The following SRSF11 variants were observed in gnomAD, a reference collection of about 807,000 sequenced individuals.
SRSF11 encodes serine and arginine rich splicing factor 11, also known as serine/arginine-rich splicing factor 11.
In SRSF11, 9 loss-of-function variants were observed where a neutral mutation model predicts 56.0. That is an observed-to-expected ratio of 0.16 (90% CI 0.10 to 0.28). The LOEUF (loss-of-function observed/expected upper bound fraction) is 0.28. SRSF11 is among the 10% of genes least tolerant of loss of function. The probability of loss-of-function intolerance (pLI) is 1.00; values close to 1 mark genes in which losing one functional copy is unlikely to be tolerated. For synonymous variants in SRSF11, 222 were observed against 215.3 expected (o/e 1.03, Z -0.27); for missense variants, 421 against 600.7 (o/e 0.70, Z 3.13).
At chr1:70,215,156 C>T (rs1158582148) in intron 1 of SRSF11, among the ~76,000 whole-genome samples, 1 of 152,020 alleles carries the variant, frequency 6.6e-6, no homozygotes, top group Non-Finnish European at 1.5e-5. Context: ...CCTTGGCCTC[C>T]CAAAGTGCTG....
intron 2 of SRSF11, chr1:70,231,119 CTA>C (rs2100736465): frequency 7.8e-7 from 1 of 1,289,658 alleles, no homozygotes; most frequent in Non-Finnish European, 1.0e-6. Context: ...TCAGCCTGAA[CTA>C]TATACCAGGC....
At chr1:70,214,894 G>GTTTTTT (rs34229824) in intron 1 of SRSF11, among the ~76,000 whole-genome samples, 8 of 125,914 alleles carry the variant, frequency 6.4e-5, no homozygotes, top group Admixed American at 8.5e-5. Flanking sequence ...CTGCAGATAA[G>GTTTTTT]TTTTTTTTTT....
intron 9 of SRSF11, chr1:70,248,779 G>T (rs892993955): frequency 6.6e-6 from 1 of 152,030 alleles, no homozygotes; most frequent in Non-Finnish European, 1.5e-5. Flanking sequence ...TACCCACTGT[G>T]TTTGTAGTTG....
At chr1:70,238,295 A>G (rs1352895718) in intron 6 of SRSF11, among the ~76,000 whole-genome samples, 4 of 152,196 alleles carry the variant, frequency 2.6e-5, no homozygotes, top group Non-Finnish European at 5.9e-5. Flanking sequence ...AAAGTTTATG[A>G]CACACCGTGT....
chr1:70,211,809 C>G (rs1669583013), intron 1 of SRSF11, among the ~76,000 whole-genome samples: 1 of 152,084 alleles, frequency 6.6e-6, no homozygotes, highest in African/African-American at 2.4e-5. Context: ...ATCTGTGAAC[C>G]CAGCCATCAT....
chr1:70,230,637 A>G (rs1210936179), intron 2 of SRSF11: 4 of 1,262,382 alleles, frequency 3.2e-6, no homozygotes, highest in Admixed American at 2.7e-5. Flanking sequence ...CCTCATTGCT[A>G]TTTTTAAATT....
chr1:70,246,885 A>G lies in SRSF11; in HGVS notation c.1000A>G (p.Arg334Gly). ...KTPPKSYSTA[R>G]RSRSASRERR... is the part of the protein sequence containing the mutation. Reference sequence around the variant, plus strand: ...ACCACCAAAAAGTTACAGCACAGCCAGACGTTCTAGAAGTGCAAGCAGGTA... The same window carrying G: ...ACCACCAAAAAGTTACAGCACAGCCGGACGTTCTAGAAGTGCAAGCAGGTA... The change falls in exon 9 of 12, where the codon AGA becomes GGA. Residue 334 changes from arginine (R) to glycine (G), a missense_variant. Coordinates refer to ENST00000370949, the MANE Select transcript of SRSF11 (RefSeq NM_001350605.2). The G allele has an allele frequency of 1.9e-6, 3 of 1,609,116 alleles. No individual in the cohort carries two copies. The highest frequency in any genetic ancestry group is 2.5e-6 in the Non-Finnish European group (3 of 1,178,084).
chr1:70,209,356 G>T (rs1222290313), intron 1 of SRSF11, among the ~76,000 whole-genome samples: 10 of 152,266 alleles, frequency 6.6e-5, no homozygotes, highest in African/African-American at 2.4e-4. Flanking sequence ...AAGTGTATTT[G>T]TTTTGCAGAC....
chr1:70,238,659 C>T (rs1674654012), intron 6 of SRSF11, among the ~76,000 whole-genome samples: 1 of 152,118 alleles, frequency 6.6e-6, no homozygotes, highest in Admixed American at 6.5e-5. Context: ...GATTCTGTCA[C>T]AGAAGTGGAC....
In SRSF11 at chr1:70,251,621, A is replaced by G. The variant is rs1558243001; in HGVS notation, c.*816A>G. The G allele has an allele frequency of 6.6e-6, 1 of 152,586 alleles. No homozygotes were observed. The highest frequency in any genetic ancestry group is 2.4e-5 in the African/African-American group (1 of 41,464). The allele number at this position is 152,586 out of a possible 1,614,324, so 9.5% of individuals were successfully genotyped here. A position where few individuals can be genotyped will look rare whatever the true frequency, so the allele number is the denominator to read the frequency against. On this transcript the variant is annotated 3_prime_UTR_variant, in exon 12 of 12. Coordinates refer to ENST00000370949, the MANE Select transcript of SRSF11 (RefSeq NM_001350605.2). ...AGTCTATCTTAAAGGAAAAAAAGAA[A>G]AAAACCTTATCTCTTGCCCTTATTT...
At chr1:70,245,265 C>T (rs1435652340) in intron 8 of SRSF11, among the ~76,000 whole-genome samples, 2 of 152,038 alleles carry the variant, frequency 1.3e-5, no homozygotes, top group Non-Finnish European at 2.9e-5. Context: ...TCTTAATTTT[C>T]TAGAAGCAAC....
chr1:70,249,117 T>C (rs1571959463), intron 9 of SRSF11: 1 of 152,166 alleles, frequency 6.6e-6, no homozygotes, highest in South Asian at 2.1e-4. Context: ...GCTGTATATC[T>C]TCAAAGTAAT....
chr1:70,216,229 T>C (rs534335113), intron 1 of SRSF11, among the ~76,000 whole-genome samples: 108 of 152,334 alleles, frequency 7.1e-4, no homozygotes, highest in African/African-American at 1.7e-3. Flanking sequence ...CCTCATTGTC[T>C]AATATTATTT....
In SRSF11 at chr1:70,221,502, C is replaced by T. The variant is rs2100587309; in HGVS notation, c.-135C>T. On this transcript the variant is annotated 5_prime_UTR_variant, in exon 1 of 12. Coordinates refer to ENST00000370949, the MANE Select transcript of SRSF11 (RefSeq NM_001350605.2). Reference sequence around the variant, plus strand: ...GGAGAAACGGCGGCGGCGGCGGCGGCATCGGCAGCAGTAGCAGAGGCTGTA... The same window carrying T: ...GGAGAAACGGCGGCGGCGGCGGCGGTATCGGCAGCAGTAGCAGAGGCTGTA... 6.3e-6 allele frequency: 8 copies of T among 1,265,310 alleles called. No homozygotes were observed. Among genetic ancestry groups the T allele is most frequent in the Middle Eastern group, 2.2e-4 (1 of 4,478 alleles). The allele number at this position is 1,265,310 out of a possible 1,614,324, so 78.4% of individuals were successfully genotyped here. A position where few individuals can be genotyped will look rare whatever the true frequency, so the allele number is the denominator to read the frequency against.
At chr1:70,209,289 G>A (rs1669325507) in intron 1 of SRSF11, among the ~76,000 whole-genome samples, 1 of 152,176 alleles carries the variant, frequency 6.6e-6, no homozygotes, top group Non-Finnish European at 1.5e-5. Flanking sequence ...GGTAAATTGA[G>A]TTAATTTGGC....
At chr1:70,207,175 A>C (rs1484255773) in intron 1 of SRSF11, among the ~76,000 whole-genome samples, 2 of 151,852 alleles carry the variant, frequency 1.3e-5, no homozygotes, top group Non-Finnish European at 2.9e-5. Flanking sequence ...TACAGGTGTC[A>C]GTCGCCGTGC....
chr1:70,217,724 G>T (rs1163771484), upstream of SRSF11, among the ~76,000 whole-genome samples: 1 of 152,122 alleles, frequency 6.6e-6, no homozygotes, highest in Non-Finnish European at 1.5e-5. Flanking sequence ...TAAATCTGAA[G>T]TGATTTAAAA....
At chr1:70,236,943 A>G (rs1448603724) in intron 5 of SRSF11, among the ~76,000 whole-genome samples, 2 of 151,544 alleles carry the variant, frequency 1.3e-5, no homozygotes, top group South Asian at 2.1e-4. Flanking sequence ...GCCTGCCACC[A>G]TGCCTGGCTA....
upstream of SRSF11, chr1:70,221,340 C>T: frequency 2.6e-6 from 1 of 390,494 alleles, no homozygotes; most frequent in Non-Finnish European, 4.6e-6. Flanking sequence ...GACGCTGACG[C>T]GCCCTGCGCC....
Sources: gnomAD v4.1 joint callset for allele counts (sites outside exome capture counted in the v4.1 genomes callset) on GRCh38, gnomAD v4.1.1 for gene constraint, MANE v1.5 for transcripts, NCBI Gene and HGNC (gene_info 2026-07-23, HGNC 2026-07-21) for gene names.